ST7: variants seen among roughly 807,000 people sequenced by gnomAD.
The protein encoded by ST7 is suppressor of tumorigenicity 7 protein.
Under a neutral mutation model 78.7 loss-of-function variants are expected in ST7, and 28 were observed. That is an observed-to-expected ratio of 0.36 (90% CI 0.26 to 0.49). ST7 has a LOEUF of 0.49. Ranked by LOEUF, ST7 falls within the 20% of genes least tolerant of loss-of-function variation. The pLI is 0.99. For synonymous variants in ST7, 247 were observed against 249.6 expected, an observed-to-expected ratio of 0.99 and a Z score of 0.10; for missense variants, 418 against 696.0, an observed-to-expected ratio of 0.60 and a Z score of 4.49.
At chr7:117,101,127 G>C (rs1284238157) in intron 2 of ST7, among the ~76,000 whole-genome samples, 1 of 152,126 alleles carries the variant, frequency 6.6e-6, no homozygotes, top group African/African-American at 2.4e-5. Context: ...TGGCAGTGTG[G>C]GGAGGATCTT....
At chr7:117,027,553 AAAGTT>A (rs1340326375) in intron 1 of ST7, among the ~76,000 whole-genome samples, 1 of 150,784 alleles carries the variant, frequency 6.6e-6, no homozygotes, top group Admixed American at 6.6e-5. Context: ...TAAATAAAAT[AAAGTT>A]AAGAATCTTA....
At chr7:117,098,274 G>A (rs559930500) in intron 1 of ST7, among the ~76,000 whole-genome samples, 2 of 151,578 alleles carry the variant, frequency 1.3e-5, no homozygotes, top group African/African-American at 4.9e-5. Flanking sequence ...GCTTGGAAAG[G>A]CCCATGCTGT....
intron 1 of ST7, among the ~76,000 whole-genome samples, chr7:117,014,713 C>T (rs1296786103): frequency 6.6e-6 from 1 of 152,080 alleles, no homozygotes; most frequent in Non-Finnish European, 1.5e-5. Context: ...GAGTTTTAAC[C>T]TAAAACCAAA....
intron 10 of ST7, among the ~76,000 whole-genome samples, chr7:117,177,829 C>A (rs1255875866): frequency 1.3e-5 from 2 of 152,126 alleles, no homozygotes; most frequent in African/African-American, 4.8e-5. Flanking sequence ...CTGGGATCAA[C>A]AGTAACAAAA....
At chr7:117,158,288 A>G (rs971463694) in intron 9 of ST7, among the ~76,000 whole-genome samples, 1 of 152,214 alleles carries the variant, frequency 6.6e-6, no homozygotes, top group African/African-American at 2.4e-5. Flanking sequence ...CACTGAAAAC[A>G]TTTTTGTTGG....
intron 1 of ST7, among the ~76,000 whole-genome samples, chr7:117,023,922 G>T (rs1362064716): frequency 6.6e-6 from 1 of 151,954 alleles, no homozygotes; most frequent in Non-Finnish European, 1.5e-5. Flanking sequence ...TGATTTTCCT[G>T]CCTCAGCCTC....
intron 1 of ST7, chr7:116,972,684 CT>C: frequency 3.0e-6 from 3 of 1,016,350 alleles, no homozygotes; most frequent in Non-Finnish European, 4.7e-6. Flanking sequence ...CTTCTTCCAG[CT>C]TTTGCAGGGC....
chr7:116,996,709 T>C (rs1361903014), intron 1 of ST7, among the ~76,000 whole-genome samples: 1 of 152,216 alleles, frequency 6.6e-6, no homozygotes, highest in Non-Finnish European at 1.5e-5. Flanking sequence ...TGTTTCCTCA[T>C]GGTGCAAATG....
intron 1 of ST7, among the ~76,000 whole-genome samples, chr7:116,974,240 A>G (rs1005063261): frequency 1.3e-5 from 2 of 152,064 alleles, no homozygotes; most frequent in African/African-American, 4.8e-5. Context: ...TTTTGTCTAT[A>G]AAACCAAAGT....
chr7:117,198,217 A>G (rs1810492397), intron 12 of ST7: 1 of 388,528 alleles, frequency 2.6e-6, no homozygotes. Context: ...GATGACAGGT[A>G]AATGAAATTA....
intron 1 of ST7, among the ~76,000 whole-genome samples, chr7:117,002,330 T>C (rs1333000307): frequency 2.0e-5 from 3 of 152,146 alleles, no homozygotes; most frequent in Non-Finnish European, 2.9e-5. Flanking sequence ...TAGGCTTAAA[T>C]GATCCTCCTA....
At chr7:117,097,908 A>ATATATATATATATATATTTTTTTTT in intron 1 of ST7, among the ~76,000 whole-genome samples, 1 of 30,010 alleles carries the variant, frequency 3.3e-5, no homozygotes, top group Non-Finnish European at 5.4e-5. Flanking sequence ...ATATATATAT[A>ATATATATATATATATATTTTTTTTT]TTTTTTTTTT....
intron 1 of ST7, among the ~76,000 whole-genome samples, chr7:117,037,123 A>G (rs1040231496): frequency 3.3e-5 from 5 of 152,310 alleles, no homozygotes; most frequent in African/African-American, 1.2e-4. Context: ...TGCCTGAGCC[A>G]CGTTTTGTGA....
At chr7:117,137,490 C>T (rs1804890590) in intron 8 of ST7, 1 of 152,022 alleles carries the variant, frequency 6.6e-6, no homozygotes. Flanking sequence ...TCTTTCTTTT[C>T]TTCTCTAAAT....
chr7:117,031,860 ATCTATCTATC>A (rs1296156940), intron 1 of ST7, among the ~76,000 whole-genome samples: 4 of 133,014 alleles, frequency 3.0e-5, no homozygotes, highest in African/African-American at 1.1e-4. Flanking sequence ...ATCTATATCT[ATCTATCTATC>A]TATATATATA....
intron 3 of ST7, among the ~76,000 whole-genome samples, chr7:117,122,509 A>G (rs1032586844): frequency 2.0e-5 from 3 of 152,210 alleles, no homozygotes; most frequent in African/African-American, 7.2e-5. Context: ...CAATGATAAT[A>G]TTATCTACCA....
At chr7:117,042,542 A>G (rs1797280842) in intron 1 of ST7, among the ~76,000 whole-genome samples, 1 of 152,182 alleles carries the variant, frequency 6.6e-6, no homozygotes, top group African/African-American at 2.4e-5. Context: ...CAGAGATTAG[A>G]CGAGTATCAC....
intron 1 of ST7, among the ~76,000 whole-genome samples, chr7:116,983,437 T>G (rs1476528897): frequency 2.0e-5 from 3 of 152,196 alleles, no homozygotes; most frequent in Admixed American, 2.0e-4. Flanking sequence ...TGATATCACA[T>G]GCTTGGGTTT....
At chr7:117,092,450 ATC>A (rs1800707190) in intron 1 of ST7, among the ~76,000 whole-genome samples, 1 of 152,134 alleles carries the variant, frequency 6.6e-6, no homozygotes, top group Admixed American at 6.6e-5. Context: ...CAATCTGGAA[ATC>A]TGTTTGAAAT....
Sources: gnomAD v4.1 joint callset for allele counts (sites outside exome capture counted in the v4.1 genomes callset) on GRCh38, gnomAD v4.1.1 for gene constraint, MANE v1.5 for transcripts, NCBI Gene and HGNC (gene_info 2026-07-23, HGNC 2026-07-21) for gene names.